Variants in MEIG1 observed in about 807,000 individuals in gnomAD.
MEIG1 encodes the protein meiosis/spermiogenesis associated 1.
MEIG1 carries 12 observed loss-of-function variants against 11.3 expected under a neutral mutation model. The observed-to-expected ratio is 1.07, with a 90% CI of 0.68 to 1.73. The LOEUF (loss-of-function observed/expected upper bound fraction) is 1.73, where lower values mean the gene tolerates loss of function less well. Among genes scored for constraint, MEIG1 ranks in the 40% most tolerant of loss-of-function variants. MEIG1 has a pLI of 0.00. For synonymous variants in MEIG1, 41 were observed against 33.2 expected (o/e 1.24, Z -0.81); for missense variants, 119 against 104.9 (o/e 1.13, Z -0.59).
At chr10:14,960,483 A>C (rs1002011401) in intron 1 of MEIG1, among the ~76,000 whole-genome samples, 1 of 151,758 alleles carries the variant, frequency 6.6e-6, no homozygotes, top group Non-Finnish European at 1.5e-5. Flanking sequence ...CAGTGGCGGG[A>C]TCTCGGCTCA....
chr10:14,981,405 T>A (rs552507387), intron 1 of MEIG1, among the ~76,000 whole-genome samples: 214 of 152,240 alleles, frequency 1.4e-3, no homozygotes, highest in African/African-American at 4.5e-3. Flanking sequence ...AGGGACGGTC[T>A]GGCATGTACA....
chr10:14,985,749 T>C (rs1843312354), intron 1 of MEIG1, among the ~76,000 whole-genome samples: 1 of 152,026 alleles, frequency 6.6e-6, no homozygotes, highest in African/African-American at 2.4e-5. Flanking sequence ...ACTCCTAATA[T>C]GTCACAGGGG....
At chr10:14,971,451 G>C (rs1274741612) in intron 2 of MEIG1, among the ~76,000 whole-genome samples, 2 of 152,014 alleles carry the variant, frequency 1.3e-5, no homozygotes, top group Non-Finnish European at 2.9e-5. Flanking sequence ...GCAGAGGCTG[G>C]AGGATCCCCT....
chr10:14,983,835 A>G (rs1475605886), intron 1 of MEIG1, among the ~76,000 whole-genome samples: 1 of 152,012 alleles, frequency 6.6e-6, no homozygotes, highest in East Asian at 1.9e-4. Context: ...CCAATAGCAC[A>G]GAAAGCGTGC....
upstream of MEIG1, among the ~76,000 whole-genome samples, chr10:14,958,918 CAAA>C (rs1842978641): frequency 6.6e-6 from 1 of 151,928 alleles, no homozygotes; most frequent in African/African-American, 2.4e-5. Flanking sequence ...AACAAAAAAA[CAAA>C]AAACCGTATA....
chr10:14,984,799 C>A (rs187866020), intron 1 of MEIG1, among the ~76,000 whole-genome samples: 152 of 152,048 alleles, frequency 1.0e-3, no homozygotes, highest in Admixed American at 4.5e-3. Context: ...GGATGTTACC[C>A]CTGATGTCAC....
At chr10:14,975,883 T>A (rs531230383), downstream of MEIG1, among the ~76,000 whole-genome samples, 32 of 152,266 alleles carry the variant, frequency 2.1e-4, no homozygotes, top group East Asian at 1.4e-3. Flanking sequence ...AACACTCCCG[T>A]GATATTGTTC....
At position 14,982,738 on chromosome 10, in the gene MEIG1, T is replaced by G. The variant is rs1275323201; in HGVS notation, n.67-4058T>G. ...TGTTACCGCAATTAATAATATCAAT[T>G]GTTAATTGATACTAATAATTATCAA... On this transcript the variant is annotated intron_variant and non_coding_transcript_variant, in intron 1 of 2. Coordinates refer to the MEIG1 transcript ENST00000467536. Among the ~76,000 whole-genome samples, 7 of 152,092 alleles carry G rather than the reference T, an allele frequency of 4.6e-5. No individual in the cohort carries two copies. In the East Asian group the frequency reaches 1.3e-3, roughly 29 times the overall value.
At chr10:14,967,589 C>T (rs1843101411) in intron 2 of MEIG1, among the ~76,000 whole-genome samples, 1 of 151,708 alleles carries the variant, frequency 6.6e-6, no homozygotes, top group Non-Finnish European at 1.5e-5. Flanking sequence ...AGTGCAACCT[C>T]CACCTCCCGG....
chr10:14,972,497 G>T lies in MEIG1; in HGVS notation c.139-16G>T. The T allele has an allele frequency of 6.2e-7, 1 of 1,613,864 alleles. No homozygotes were observed. The highest frequency in any genetic ancestry group is 8.5e-7 in the Non-Finnish European group (1 of 1,179,866). On this transcript the variant is annotated splice_polypyrimidine_tract_variant and intron_variant, in intron 2 of 2. Transcript: ENST00000407572. ...CCCTCCATTGTAACGTTTGTACTCT[G>T]GTTCTTGATGTGCAGGTAGATCGTT...
chr10:14,987,265 A>G (rs7918583), intron 2 of MEIG1: 532,551 of 833,268 alleles, frequency 0.64, 173,656 homozygotes, highest in African/African-American at 0.9. Context: ...ACATGGGGGT[A>G]TGGAGGGGGG....
chr10:14,975,566 T>C (rs934592657), downstream of MEIG1, among the ~76,000 whole-genome samples: 7 of 151,990 alleles, frequency 4.6e-5, no homozygotes, highest in African/African-American at 1.7e-4. Context: ...CCGCAGGAGG[T>C]GTACACCCAC....
At chr10:14,985,320 A>T (rs920866112) in intron 1 of MEIG1, among the ~76,000 whole-genome samples, 1 of 151,916 alleles carries the variant, frequency 6.6e-6, no homozygotes, top group East Asian at 1.9e-4. Flanking sequence ...TAATGTCACA[A>T]TGCCTGTACA....
chr10:14,962,333 T>C (rs1286118287), intron 1 of MEIG1, among the ~76,000 whole-genome samples: 7 of 152,194 alleles, frequency 4.6e-5, no homozygotes, highest in South Asian at 2.1e-4. Flanking sequence ...CCACCACTTA[T>C]ATAGCGTAGT....
chr10:14,977,019 G>C (rs1179333342), downstream of MEIG1, among the ~76,000 whole-genome samples: 4 of 151,956 alleles, frequency 2.6e-5, no homozygotes, highest in African/African-American at 9.7e-5. Context: ...GTCACACGGG[G>C]TGTACTCCCT....
chr10:14,955,983 C>T (rs1842940898), upstream of MEIG1, among the ~76,000 whole-genome samples: 1 of 152,136 alleles, frequency 6.6e-6, no homozygotes, highest in Non-Finnish European at 1.5e-5. Flanking sequence ...GTCTAGTGTC[C>T]GAAGAATCTC....
intron 1 of MEIG1, among the ~76,000 whole-genome samples, chr10:14,978,437 C>G (rs886445107): frequency 1.3e-5 from 2 of 151,812 alleles, no homozygotes; most frequent in Non-Finnish European, 2.9e-5. Flanking sequence ...TGTGTTCCCC[C>G]CATGATATTA....
Position 14,964,636 on chromosome 10 carries a change from C to CTTTTTT in MEIG1, c.-29-1787_-29-1782dup, listed in dbSNP as rs35249492. Among the ~76,000 whole-genome samples, 13 of 49,222 alleles carry CTTTTTT rather than the reference C, an allele frequency of 2.6e-4. 1 individual carries two copies. Among genetic ancestry groups the CTTTTTT allele is most frequent in the East Asian group, 1.2e-3 (2 of 1,620 alleles). The allele number at this position is 49,222 out of a possible 152,430, so 32.3% of individuals were successfully genotyped here. A position where few individuals can be genotyped will look rare whatever the true frequency, so the allele number is the denominator to read the frequency against. On this transcript the variant is annotated intron_variant, in intron 1 of 2. Transcript: ENST00000407572. ...ACACACACACACATATATATGTATA[C>CTTTTTT]TTTTTTTTTTTTTTTTTTTTTTGGA...
chr10:14,965,844 C>G (rs1330497613), intron 1 of MEIG1, among the ~76,000 whole-genome samples: 2 of 152,118 alleles, frequency 1.3e-5, no homozygotes, highest in Non-Finnish European at 2.9e-5. Context: ...GAACATCACT[C>G]CGTAACTCCA....
Sources: gnomAD v4.1 joint callset for allele counts (sites outside exome capture counted in the v4.1 genomes callset) on GRCh38, gnomAD v4.1.1 for gene constraint, MANE v1.5 for transcripts, NCBI Gene and HGNC (gene_info 2026-07-23, HGNC 2026-07-21) for gene names.